The following FRMD3 variants were observed in gnomAD, a reference collection of about 807,000 sequenced individuals.
The protein encoded by FRMD3 is FERM domain-containing protein 3.
In FRMD3, 33 loss-of-function variants were observed where a neutral mutation model predicts 70.2. The observed-to-expected ratio is 0.47, with a 90% CI of 0.36 to 0.63. FRMD3 has a LOEUF of 0.63. Among genes scored for constraint, FRMD3 ranks in the 20% least tolerant of loss-of-function variants. FRMD3 has a pLI of 0.00. For synonymous variants in FRMD3, 279 were observed against 255.9 expected (o/e 1.09, Z -0.86); for missense variants, 632 against 711.4 (o/e 0.89, Z 1.27).
intron 3 of FRMD3, among the ~76,000 whole-genome samples, chr9:83,353,035 C>G (rs993963261): frequency 3.3e-5 from 5 of 152,172 alleles, no homozygotes; most frequent in Non-Finnish European, 5.9e-5. Flanking sequence ...GCAGGAAAAA[C>G]AAGAGGAGGC....
intron 1 of FRMD3, among the ~76,000 whole-genome samples, chr9:83,424,202 C>T (rs367997629): frequency 3.9e-5 from 6 of 152,142 alleles, no homozygotes; most frequent in East Asian, 1.9e-4. Flanking sequence ...CCCTGTTCAA[C>T]GCTGGCCTTG....
Position 83,483,131 on chromosome 9 carries a change from T to C in FRMD3, c.147+54954A>G, listed in dbSNP as rs185486856. ...AGGGGTCTGGTGAAAGGTGATTGAATCATGGGGGCAGACTTTCCCCTTGCT... is the reference window on the plus strand; with the variant it reads ...AGGGGTCTGGTGAAAGGTGATTGAACCATGGGGGCAGACTTTCCCCTTGCT... On this transcript the variant is annotated intron_variant, in intron 1 of 13. Coordinates refer to ENST00000304195, the MANE Select transcript of FRMD3 (RefSeq NM_174938.6). Among the ~76,000 whole-genome samples, 10 of 152,320 alleles carry C rather than the reference T, an allele frequency of 6.6e-5. No homozygotes were observed. The East Asian group carries it at 1.7e-3, about 26-fold the overall frequency.
chr9:83,279,970 A>C (rs1833919605), intron 13 of FRMD3, among the ~76,000 whole-genome samples: 1 of 152,208 alleles, frequency 6.6e-6, no homozygotes, highest in Admixed American at 6.5e-5. Context: ...ATTTTCTAAA[A>C]AAGTAAAATA....
chr9:83,561,114 C>A, the FRMD3 span, among the ~76,000 whole-genome samples: 822 of 152,262 alleles, frequency 5.4e-3, 7 homozygotes, highest in African/African-American at 0.019. Flanking sequence ...GGCAATGACT[C>A]CCCCTGCCCA....
At chr9:83,279,393 T>A (rs911756947) in intron 13 of FRMD3, 1 of 152,220 alleles carries the variant, frequency 6.6e-6, no homozygotes, top group African/African-American at 2.4e-5. Flanking sequence ...CCATTTTTCA[T>A]GTCTCAGTTA....
chr9:83,428,813 A>C (rs944124025), intron 1 of FRMD3, among the ~76,000 whole-genome samples: 18 of 152,254 alleles, frequency 1.2e-4, no homozygotes, highest in African/African-American at 4.3e-4. Context: ...TCTTCCTACC[A>C]TATCAAGTTC....
At chr9:83,317,262 G>C (rs763689494) in intron 6 of FRMD3, among the ~76,000 whole-genome samples, 23 of 150,914 alleles carry the variant, frequency 1.5e-4, no homozygotes, top group Non-Finnish European at 2.9e-4. Context: ...CCCAACTAGG[G>C]ACAAAGCAGT....
the FRMD3 span, among the ~76,000 whole-genome samples, chr9:83,565,138 G>T: frequency 1.3e-5 from 2 of 152,122 alleles, no homozygotes; most frequent in Non-Finnish European, 2.9e-5. Flanking sequence ...GTACACAATT[G>T]TTCCAGTTGC....
chr9:83,314,309 G>A (rs577229833), intron 6 of FRMD3, among the ~76,000 whole-genome samples: 5 of 152,216 alleles, frequency 3.3e-5, no homozygotes, highest in African/African-American at 9.6e-5. Context: ...GGGAGAAAAG[G>A]GCTGCAAATA....
intron 1 of FRMD3, among the ~76,000 whole-genome samples, chr9:83,500,498 GCGCGCA>G (rs1292726903): frequency 6.4e-5 from 4 of 62,936 alleles, no homozygotes; most frequent in East Asian, 7.0e-4. Context: ...TGGCGTGTAT[GCGCGCA>G]CACACACACA....
At chr9:83,321,225 G>A (rs1357108544) in intron 6 of FRMD3, among the ~76,000 whole-genome samples, 1 of 152,030 alleles carries the variant, frequency 6.6e-6, no homozygotes, top group Non-Finnish European at 1.5e-5. Context: ...TCTGCTAAGT[G>A]TGTGTTTAGT....
intron 5 of FRMD3, among the ~76,000 whole-genome samples, chr9:83,342,149 C>T (rs757995946): frequency 1.3e-5 from 2 of 151,458 alleles, no homozygotes; most frequent in Non-Finnish European, 2.9e-5. Flanking sequence ...CATCTGAGTC[C>T]CTCCAGCTGC....
At chr9:83,370,158 T>C (rs1824923546) in intron 3 of FRMD3, among the ~76,000 whole-genome samples, 1 of 152,194 alleles carries the variant, frequency 6.6e-6, no homozygotes, top group Admixed American at 6.6e-5. Context: ...TGAAAGGTGA[T>C]ACGAGCATAA....
chr9:83,576,076 G>A, the FRMD3 span, among the ~76,000 whole-genome samples: 11 of 151,862 alleles, frequency 7.2e-5, no homozygotes, highest in African/African-American at 2.4e-4. Context: ...CTAAAAGCCA[G>A]ACAAAGACAT....
chr9:83,398,204 A>C (rs1210948735), intron 1 of FRMD3, among the ~76,000 whole-genome samples: 1 of 152,194 alleles, frequency 6.6e-6, no homozygotes, highest in Non-Finnish European at 1.5e-5. Flanking sequence ...GCATCTCTTT[A>C]ATAAGAAAAC....
At chr9:83,302,897 G>A (rs1383966747) in intron 10 of FRMD3, among the ~76,000 whole-genome samples, 12 of 151,992 alleles carry the variant, frequency 7.9e-5, no homozygotes, top group East Asian at 1.9e-4. Context: ...CTTTCCACCC[G>A]CCGTCTCCCA....
At chr9:83,359,743 G>C (rs1824523274) in intron 3 of FRMD3, among the ~76,000 whole-genome samples, 1 of 152,060 alleles carries the variant, frequency 6.6e-6, no homozygotes, top group Admixed American at 6.5e-5. Flanking sequence ...CTAGACCAAA[G>C]GCCATATGAA....
intron 6 of FRMD3, among the ~76,000 whole-genome samples, chr9:83,325,598 T>A (rs1031620309): frequency 2.6e-5 from 4 of 152,184 alleles, no homozygotes; most frequent in Middle Eastern, 3.2e-3. Context: ...GTGCAAAGAT[T>A]ACAGGGGTAA....
At chr9:83,429,621 A>T (rs1564073352) in intron 1 of FRMD3, among the ~76,000 whole-genome samples, 1 of 152,060 alleles carries the variant, frequency 6.6e-6, no homozygotes, top group Non-Finnish European at 1.5e-5. Context: ...TCATCTACAA[A>T]ACTGAGATAA....
Sources: gnomAD v4.1 joint callset for allele counts (sites outside exome capture counted in the v4.1 genomes callset) on GRCh38, gnomAD v4.1.1 for gene constraint, MANE v1.5 for transcripts, NCBI Gene and HGNC (gene_info 2026-07-23, HGNC 2026-07-21) for gene names.